Variants in CDC42BPA observed in about 807,000 individuals in gnomAD.
CDC42BPA encodes CDC42 binding protein kinase alpha, also known as serine/threonine-protein kinase MRCK alpha.
Under a neutral mutation model 223.5 loss-of-function variants are expected in CDC42BPA, and 80 were observed. The observed-to-expected ratio is 0.36, with a 90% confidence interval of 0.30 to 0.43. The LOEUF (loss-of-function observed/expected upper bound fraction) is 0.43. CDC42BPA is among the 20% of genes least tolerant of loss of function. The pLI is 1.00. For synonymous variants in CDC42BPA, 694 were observed against 718.6 expected, an observed-to-expected ratio of 0.97 and a Z score of 0.55; for missense variants, 1,743 against 2,099.9, an observed-to-expected ratio of 0.83 and a Z score of 3.32.
At chr1:227,176,112 C>G (rs996136846) in intron 5 of CDC42BPA, among the ~76,000 whole-genome samples, 6 of 152,052 alleles carry the variant, frequency 3.9e-5, no homozygotes, top group Non-Finnish European at 7.4e-5. Flanking sequence ...GATACCATAC[C>G]GGGCTAATTT....
chr1:227,065,750 C>T (rs1676910912), intron 21 of CDC42BPA, among the ~76,000 whole-genome samples: 1 of 152,128 alleles, frequency 6.6e-6, no homozygotes, highest in African/African-American at 2.4e-5. Flanking sequence ...GGAGGAGAGG[C>T]ACTGGTGGTA....
At chr1:227,212,047 C>A (rs567110667) in intron 3 of CDC42BPA, among the ~76,000 whole-genome samples, 29 of 151,698 alleles carry the variant, frequency 1.9e-4, no homozygotes, top group African/African-American at 7.0e-4. Context: ...ATTTGTTTTA[C>A]AGAGAATATA....
intron 1 of CDC42BPA, among the ~76,000 whole-genome samples, chr1:227,286,494 T>A (rs914639344): frequency 1.3e-5 from 2 of 152,206 alleles, no homozygotes; most frequent in African/African-American, 4.8e-5. Context: ...AGCATTTTTA[T>A]CAGAGCCACT....
intron 5 of CDC42BPA, among the ~76,000 whole-genome samples, chr1:227,186,334 A>C (rs1016905800): frequency 6.6e-6 from 1 of 152,226 alleles, no homozygotes; most frequent in African/African-American, 2.4e-5. Context: ...ATGCCAGAGT[A>C]TTCTCTTCTT....
intron 3 of CDC42BPA, among the ~76,000 whole-genome samples, chr1:227,206,083 G>T (rs891361452): frequency 6.6e-6 from 1 of 152,142 alleles, no homozygotes; most frequent in African/African-American, 2.4e-5. Context: ...TTTATAAAAA[G>T]GTTTAACTCT....
chr1:227,205,305 T>TAC (rs1338918448), intron 3 of CDC42BPA, among the ~76,000 whole-genome samples: 21 of 128,080 alleles, frequency 1.6e-4, no homozygotes, highest in East Asian at 1.1e-3. Flanking sequence ...TATATATATA[T>TAC]ACACACACAC....
chr1:227,121,080 C>T (rs1688587031), intron 11 of CDC42BPA, among the ~76,000 whole-genome samples: 4 of 152,148 alleles, frequency 2.6e-5, no homozygotes, highest in African/African-American at 9.7e-5. Flanking sequence ...TCACCTCCTG[C>T]TGTGCGGCCC....
chr1:227,302,215 T>C (rs1344345096), intron 1 of CDC42BPA, among the ~76,000 whole-genome samples: 3 of 152,206 alleles, frequency 2.0e-5, no homozygotes, highest in Non-Finnish European at 2.9e-5. Context: ...CTTTACCTAG[T>C]TGCAGCTAAG....
chr1:227,064,963 G>C (rs1489505171), intron 21 of CDC42BPA, among the ~76,000 whole-genome samples: 1 of 151,998 alleles, frequency 6.6e-6, no homozygotes, highest in Non-Finnish European at 1.5e-5. Flanking sequence ...CGGGCGTGGT[G>C]GTGGGCACCT....
chr1:227,106,721 C>T (rs1686002617), intron 14 of CDC42BPA, among the ~76,000 whole-genome samples: 1 of 152,132 alleles, frequency 6.6e-6, no homozygotes, highest in Non-Finnish European at 1.5e-5. Context: ...AGTTGCTGAT[C>T]CAATTTGAGT....
intron 11 of CDC42BPA, among the ~76,000 whole-genome samples, chr1:227,125,000 G>A (rs1242828008): frequency 6.6e-6 from 1 of 151,954 alleles, no homozygotes; most frequent in African/African-American, 2.4e-5. Flanking sequence ...CAACATAACG[G>A]TGAGTTTTCT....
rs988064090 is a variant in CDC42BPA at position 227,176,490 on chromosome 1, T to G, written c.600-15854A>C. 5.3e-5 allele frequency among the ~76,000 whole-genome samples: 8 copies of G among 152,302 alleles called. No individual in the cohort carries two copies. In the East Asian group the frequency reaches 1.5e-3, roughly 29 times the overall value. On this transcript the variant is annotated intron_variant, in intron 5 of 36. Coordinates refer to ENST00000366766, the MANE Select transcript of CDC42BPA (RefSeq NM_001394014.1). ...TACTGCAAACAGTTTGAAAAAAATT[T>G]TATATAAATTCTCCCAATTATCACT...
chr1:227,181,306 A>G (rs1384794225), intron 5 of CDC42BPA, among the ~76,000 whole-genome samples: 1 of 152,228 alleles, frequency 6.6e-6, no homozygotes, highest in African/African-American at 2.4e-5. Flanking sequence ...AAAGATGGAC[A>G]TATTTTCATA....
Position 227,005,134 on chromosome 1 carries a change from C to A in CDC42BPA, c.4858-23G>T, listed in dbSNP as rs562119000. On this transcript the variant is annotated intron_variant, in intron 34 of 36. Transcript: ENST00000366766. ...GTTCTATAAACAAAAGCGAGAGAGA[C>A]ATCCTTTAGCCAGAAAGAAACTGAT... The A allele has an allele frequency of 6.0e-6, 9 of 1,505,114 alleles. No homozygotes were observed. In the South Asian group the frequency reaches 7.9e-5, roughly 13 times the overall value. The allele number at this position is 1,505,114 out of a possible 1,614,324, so 93.2% of individuals were successfully genotyped here.
intron 14 of CDC42BPA, among the ~76,000 whole-genome samples, chr1:227,103,525 T>C (rs1388048167): frequency 6.6e-6 from 1 of 152,062 alleles, no homozygotes; most frequent in Non-Finnish European, 1.5e-5. Context: ...TAGAAGGGCA[T>C]GGAGACATGT....
chr1:227,160,425 T>TA (rs1663666943), intron 6 of CDC42BPA, 118 bp downstream of exon 6: 2 of 740,672 alleles, frequency 2.7e-6, no homozygotes, highest in South Asian at 3.2e-5. Flanking sequence ...GGCGCATAGA[T>TA]AGACAAATGG....
At chr1:227,137,722 G>A (rs1658873183) in intron 10 of CDC42BPA, among the ~76,000 whole-genome samples, 1 of 150,858 alleles carries the variant, frequency 6.6e-6, no homozygotes, top group Non-Finnish European at 1.5e-5. Context: ...AAACATGGGT[G>A]AATTTCAAAA....
chr1:227,052,982 A>G (rs1008670920), intron 21 of CDC42BPA, among the ~76,000 whole-genome samples: 16 of 152,180 alleles, frequency 1.1e-4, no homozygotes, highest in Non-Finnish European at 5.9e-5. Flanking sequence ...GCAAAATTTC[A>G]CTTTGAATGA....
intron 5 of CDC42BPA, among the ~76,000 whole-genome samples, chr1:227,164,716 GCA>G (rs76300764): frequency 0.11 from 16,978 of 151,804 alleles, 1,209 homozygotes; most frequent in South Asian, 0.21. Context: ...ACACACAAAC[GCA>G]CACACACACA....
Sources: allele counts gnomAD v4.1 joint callset (sites outside exome capture counted in the v4.1 genomes callset), GRCh38; gene constraint gnomAD v4.1.1; transcripts MANE v1.5; gene names NCBI Gene and HGNC (gene_info 2026-07-23, HGNC 2026-07-21).